SLC24A3: variants seen among roughly 807,000 people sequenced by gnomAD.
SLC24A3 encodes the protein sodium/potassium/calcium exchanger 3.
Under a neutral mutation model 75.8 loss-of-function variants are expected in SLC24A3, and 28 were observed. The observed-to-expected ratio is 0.37, with a 90% confidence interval of 0.27 to 0.51. The LOEUF is 0.51. Ranked by LOEUF, SLC24A3 falls within the 20% of genes least tolerant of loss-of-function variation. The pLI is 0.94. For synonymous variants in SLC24A3, 372 were observed against 334.1 expected, an observed-to-expected ratio of 1.11 and a Z score of -1.24; for missense variants, 663 against 847.8, an observed-to-expected ratio of 0.78 and a Z score of 2.71.
At chr20:19,394,040 A>G (rs1246592819) in intron 2 of SLC24A3, among the ~76,000 whole-genome samples, 1 of 152,196 alleles carries the variant, frequency 6.6e-6, no homozygotes, top group African/African-American at 2.4e-5. Context: ...TAGGTAGCCC[A>G]TATATTAACC....
chr20:19,327,513 C>T (rs1984892642), intron 2 of SLC24A3, among the ~76,000 whole-genome samples: 2 of 152,232 alleles, frequency 1.3e-5, no homozygotes, highest in Admixed American at 1.3e-4. Context: ...AGACTTCACA[C>T]ATTACAACCC....
intron 2 of SLC24A3, among the ~76,000 whole-genome samples, chr20:19,456,891 G>C (rs1382190865): frequency 6.6e-6 from 1 of 152,202 alleles, no homozygotes; most frequent in African/African-American, 2.4e-5. Flanking sequence ...CAGGTACAGT[G>C]TACAGTGTGT....
intron 6 of SLC24A3, among the ~76,000 whole-genome samples, chr20:19,615,009 C>T (rs1343614396): frequency 1.3e-5 from 2 of 152,172 alleles, no homozygotes; most frequent in African/African-American, 2.4e-5. Context: ...ATCTTTTAAG[C>T]TTTAATTTTA....
At chr20:19,451,188 G>T (rs1369259745) in intron 2 of SLC24A3, among the ~76,000 whole-genome samples, 7 of 152,284 alleles carry the variant, frequency 4.6e-5, no homozygotes, top group Non-Finnish European at 7.4e-5. Context: ...AAAGGTAAAA[G>T]AAAACACATA....
chr20:19,470,264 A>G (rs1987847660), intron 2 of SLC24A3, among the ~76,000 whole-genome samples: 1 of 152,202 alleles, frequency 6.6e-6, no homozygotes, highest in Non-Finnish European at 1.5e-5. Flanking sequence ...AAGCAGCCTC[A>G]AATGTGGCTC....
At chr20:19,418,417 C>G (rs554440020) in intron 2 of SLC24A3, among the ~76,000 whole-genome samples, 1 of 151,784 alleles carries the variant, frequency 6.6e-6, no homozygotes, top group South Asian at 2.1e-4. Flanking sequence ...AGGAAATCTC[C>G]CGGAAAATAG....
chr20:19,418,852 C>T (rs931472505), intron 2 of SLC24A3, among the ~76,000 whole-genome samples: 4 of 152,054 alleles, frequency 2.6e-5, no homozygotes, highest in Non-Finnish European at 4.4e-5. Flanking sequence ...GTCAGTGGGA[C>T]TCAGGAGCCA....
intron 9 of SLC24A3, 87 bp from the exon 10 acceptor site, chr20:19,681,771 G>C (rs1235953094): frequency 6.2e-7 from 1 of 1,602,196 alleles, no homozygotes; most frequent in Non-Finnish European, 8.5e-7. Flanking sequence ...TGCAGACTGG[G>C]AGAGCTCTCA....
At chr20:19,540,981 T>A (rs2030485609) in intron 3 of SLC24A3, among the ~76,000 whole-genome samples, 1 of 152,228 alleles carries the variant, frequency 6.6e-6, no homozygotes, top group Non-Finnish European at 1.5e-5. Flanking sequence ...CCAACCCTAC[T>A]TTTTGTGGAT....
intron 2 of SLC24A3, among the ~76,000 whole-genome samples, chr20:19,285,477 CAAA>C (rs35866612): frequency 2.3e-4 from 10 of 43,040 alleles, no homozygotes; most frequent in African/African-American, 7.4e-4. Flanking sequence ...GACCCTGTCT[CAAA>C]AAAAAAAAAA....
At chr20:19,392,067 G>A (rs1337181745) in intron 2 of SLC24A3, among the ~76,000 whole-genome samples, 5 of 152,070 alleles carry the variant, frequency 3.3e-5, no homozygotes, top group African/African-American at 4.8e-5. Context: ...CCTAGGTGTC[G>A]GGGGCACACA....
At chr20:19,292,091 T>C (rs1171114767) in intron 2 of SLC24A3, among the ~76,000 whole-genome samples, 1 of 152,208 alleles carries the variant, frequency 6.6e-6, no homozygotes, top group African/African-American at 2.4e-5. Context: ...ACCCATGGGC[T>C]GTGGGACCCT....
chr20:19,435,732 G>T (rs1479859690), intron 2 of SLC24A3, among the ~76,000 whole-genome samples: 1 of 152,168 alleles, frequency 6.6e-6, no homozygotes, highest in African/African-American at 2.4e-5. Context: ...GTGAGAGTCT[G>T]TGATAGCTTT....
At chr20:19,437,245 C>G (rs1987220715) in intron 2 of SLC24A3, among the ~76,000 whole-genome samples, 1 of 152,114 alleles carries the variant, frequency 6.6e-6, no homozygotes, top group African/African-American at 2.4e-5. Flanking sequence ...AGGGCAGGAC[C>G]AGGTGGAGGT....
intron 2 of SLC24A3, chr20:19,283,043 G>T (rs1238500633): frequency 1.3e-5 from 2 of 152,652 alleles, no homozygotes; most frequent in South Asian, 4.1e-4. Context: ...GGCTTCAGGA[G>T]GAATATGGGA....
At chr20:19,216,364 C>G (rs550020940) in intron 1 of SLC24A3, among the ~76,000 whole-genome samples, 1 of 152,218 alleles carries the variant, frequency 6.6e-6, no homozygotes, top group South Asian at 2.1e-4. Context: ...GACTTTCTCT[C>G]TAGAAGGTTC....
chr20:19,675,699 C>T lies in SLC24A3; in HGVS notation c.767+2045C>T, dbSNP rs113020686. On this transcript the variant is annotated intron_variant, in intron 9 of 16. Coordinates refer to ENST00000328041, the MANE Select transcript of SLC24A3 (RefSeq NM_020689.4). ...AATGAAGAAACCAGAAGTTACACAC[C>T]GTAGAACTAATCATTTAAAAATACC... is the stretch of plus-strand genomic sequence containing the variant. Among the ~76,000 whole-genome samples, 908 of 152,220 alleles carry T rather than the reference C, an allele frequency of 6.0e-3. 2 individuals are homozygous for T. The highest frequency in any genetic ancestry group is 0.027 in the Middle Eastern group (8 of 294).
At chr20:19,448,325 C>A (rs1156773567) in intron 2 of SLC24A3, among the ~76,000 whole-genome samples, 2 of 152,204 alleles carry the variant, frequency 1.3e-5, no homozygotes, top group African/African-American at 4.8e-5. Flanking sequence ...CAAGTGGTTA[C>A]TTTGCATACT....
chr20:19,627,389 G>T (rs1330078529), intron 6 of SLC24A3, among the ~76,000 whole-genome samples: 1 of 152,128 alleles, frequency 6.6e-6, no homozygotes, highest in East Asian at 1.9e-4. Context: ...TAAGATGTAG[G>T]CTTTTGTGAG....
Sources: allele counts gnomAD v4.1 joint callset (sites outside exome capture counted in the v4.1 genomes callset), GRCh38; gene constraint gnomAD v4.1.1; transcripts MANE v1.5; gene names NCBI Gene and HGNC (gene_info 2026-07-23, HGNC 2026-07-21).